GABBR2: variants seen among roughly 807,000 people sequenced by gnomAD.
GABBR2 encodes the protein G-protein coupled receptor 51.
Under a neutral mutation model 105.6 loss-of-function variants are expected in GABBR2, and 23 were observed. The observed-to-expected ratio is 0.22, with a 90% CI of 0.16 to 0.31. The LOEUF is 0.31. Among genes scored for constraint, GABBR2 ranks in the 10% least tolerant of loss-of-function variants. GABBR2 has a pLI of 1.00. For missense variants in GABBR2, 734 were observed against 1,245.5 expected, an observed-to-expected ratio of 0.59 and a Z score of 6.18; for synonymous variants, 478 against 499.7, an observed-to-expected ratio of 0.96 and a Z score of 0.58.
chr9:98,533,872 G>C (rs1164111994), intron 3 of GABBR2, among the ~76,000 whole-genome samples: 2 of 152,186 alleles, frequency 1.3e-5, no homozygotes, highest in Non-Finnish European at 1.5e-5. Context: ...TGAGACAGAG[G>C]AGGAGGCCTC....
At position 98,357,584 on chromosome 9, in the gene GABBR2, G is replaced by A. The variant is rs114512013; in HGVS notation, c.1893+5131C>T. Among the ~76,000 whole-genome samples the A allele has an allele frequency of 3.3e-3, 495 of 152,236 alleles. 2 individuals carry two copies. The highest frequency in any genetic ancestry group is 0.011 in the African/African-American group (466 of 41,524). On this transcript the variant is annotated intron_variant, in intron 13 of 18. Coordinates refer to ENST00000259455, the MANE Select transcript of GABBR2 (RefSeq NM_005458.8). ...GATCACCTGAGCCAGGGGAGGTGCA[G>A]TGAGCCGTGATCTTGCCATTGCACT... is the stretch of plus-strand genomic sequence containing the variant.
At chr9:98,456,193 A>G (rs1233603416) in intron 6 of GABBR2, among the ~76,000 whole-genome samples, 2 of 152,138 alleles carry the variant, frequency 1.3e-5, no homozygotes, top group Non-Finnish European at 2.9e-5. Context: ...GAAACAGTCC[A>G]CTATGAAGCT....
intron 3 of GABBR2, among the ~76,000 whole-genome samples, chr9:98,525,334 A>G (rs1418435167): frequency 6.6e-6 from 1 of 152,238 alleles, no homozygotes; most frequent in Non-Finnish European, 1.5e-5. Flanking sequence ...CCAATTAAAA[A>G]TTGGACAAAG....
chr9:98,569,375 C>T (rs1828795219), intron 2 of GABBR2, among the ~76,000 whole-genome samples: 1 of 152,146 alleles, frequency 6.6e-6, no homozygotes, highest in East Asian at 1.9e-4. Context: ...TCCCTGACTC[C>T]TTATTTTCAG....
intron 13 of GABBR2, among the ~76,000 whole-genome samples, chr9:98,357,681 CA>C (rs869090343): frequency 6.2e-4 from 33 of 53,434 alleles, no homozygotes; most frequent in African/African-American, 7.7e-4. Flanking sequence ...AAAACAACAA[CA>C]AAAAAAAAAA....
intron 8 of GABBR2, among the ~76,000 whole-genome samples, chr9:98,405,119 C>CA (rs980405210): frequency 6.6e-6 from 1 of 151,518 alleles, no homozygotes; most frequent in African/African-American, 2.4e-5. Context: ...AACACTACAG[C>CA]AAAAAAAGGG....
intron 11 of GABBR2, among the ~76,000 whole-genome samples, chr9:98,374,122 A>G (rs1246061733): frequency 1.3e-5 from 2 of 152,056 alleles, no homozygotes; most frequent in Non-Finnish European, 2.9e-5. Context: ...GCCTCTCAAA[A>G]TGTTGGGAGT....
Position 98,357,656 on chromosome 9 carries a change from C to A in GABBR2, c.1893+5059G>T, listed in dbSNP as rs1284658323. 2.1e-5 allele frequency among the ~76,000 whole-genome samples: 3 copies of A among 142,016 alleles called. No individual in the cohort carries two copies. The Admixed American group carries it at 2.2e-4, about 11-fold the overall frequency. The allele number at this position is 142,016 out of a possible 152,430, so 93.2% of individuals were successfully genotyped here. Reference sequence around the variant, plus strand: ...GATCCTGTCTCAAAACAAAACAAAACAGACAAACAAACAAAAAACAACAAC... The same window carrying A: ...GATCCTGTCTCAAAACAAAACAAAAAAGACAAACAAACAAAAAACAACAAC... On this transcript the variant is annotated intron_variant, in intron 13 of 18. Transcript: ENST00000259455.
intron 3 of GABBR2, among the ~76,000 whole-genome samples, chr9:98,509,979 A>G (rs1827601940): frequency 6.6e-6 from 1 of 152,232 alleles, no homozygotes; most frequent in African/African-American, 2.4e-5. Flanking sequence ...CAGATTCACC[A>G]AAGTTGAAAT....
At chr9:98,635,892 AGTCACC>A (rs1829868894) in intron 1 of GABBR2, among the ~76,000 whole-genome samples, 1 of 152,136 alleles carries the variant, frequency 6.6e-6, no homozygotes, top group Admixed American at 6.5e-5. Context: ...TTGTATTAGA[AGTCACC>A]TGTGGAGCCT....
intron 7 of GABBR2, among the ~76,000 whole-genome samples, chr9:98,426,611 C>T (rs1825695218): frequency 6.6e-6 from 1 of 152,192 alleles, no homozygotes. Flanking sequence ...CAACTAGAAA[C>T]CCAGATGGCT....
intron 7 of GABBR2, among the ~76,000 whole-genome samples, chr9:98,449,397 G>A (rs1462259227): frequency 6.6e-6 from 1 of 152,118 alleles, no homozygotes; most frequent in Admixed American, 6.5e-5. Flanking sequence ...GCTTGCTAGA[G>A]GAGTGAATGA....
intron 1 of GABBR2, among the ~76,000 whole-genome samples, chr9:98,633,464 G>A (rs2065452): frequency 0.7 from 105,698 of 151,492 alleles, 37,556 homozygotes; most frequent in Middle Eastern, 0.82. Flanking sequence ...CTCTACTAAA[G>A]ATACAAAAAA....
chr9:98,373,016 A>G (rs1416050034), intron 11 of GABBR2, among the ~76,000 whole-genome samples: 2 of 152,064 alleles, frequency 1.3e-5, no homozygotes, highest in Non-Finnish European at 2.9e-5. Context: ...ATGGGTAAAA[A>G]TGAACCACAG....
intron 14 of GABBR2, among the ~76,000 whole-genome samples, chr9:98,307,161 A>G (rs1296956747): frequency 6.6e-6 from 1 of 152,200 alleles, no homozygotes; most frequent in African/African-American, 2.4e-5. Context: ...TTTACCTGAG[A>G]GGAACATTTC....
At chr9:98,323,326 G>C (rs1463771450) in intron 13 of GABBR2, among the ~76,000 whole-genome samples, 3 of 152,278 alleles carry the variant, frequency 2.0e-5, no homozygotes, top group Non-Finnish European at 4.4e-5. Context: ...GTGGTCACCA[G>C]GGTGCTGTGC....
At chr9:98,450,869 G>T (rs1274169201) in intron 7 of GABBR2, among the ~76,000 whole-genome samples, 1 of 152,170 alleles carries the variant, frequency 6.6e-6, no homozygotes, top group African/African-American at 2.4e-5. Context: ...AGATGAAAGG[G>T]AGCATTTAGA....
In GABBR2 at chr9:98,385,675, A is replaced by G; in HGVS notation, c.1627T>C (p.Phe543Leu). The G allele has an allele frequency of 6.2e-7, 1 of 1,612,788 alleles. No homozygotes were observed. Among genetic ancestry groups the G allele is most frequent in the Non-Finnish European group, 8.5e-7 (1 of 1,178,726 alleles). The change falls in exon 11 of 19, where the codon TTT becomes CTT. Residue 543 changes from phenylalanine (F) to leucine (L), a missense_variant. By Grantham distance (22) the Phe-to-Leu change is conservative (BLOSUM62 0). Coordinates refer to ENST00000259455, the MANE Select transcript of GABBR2 (RefSeq NM_005458.8). ...GTTTCAAAGGTCTTTTCAGAGACAA[A>G]GGATCCATCAAGGCCAAAGAGAAAT... ...SIFLFGLDGS[F>L]VSEKTFETLC...
At chr9:98,641,824 G>A (rs1465909954) in intron 1 of GABBR2, among the ~76,000 whole-genome samples, 2 of 152,122 alleles carry the variant, frequency 1.3e-5, no homozygotes, top group East Asian at 3.9e-4. Flanking sequence ...CAGGGCCCTG[G>A]CCAGGTAAGT....
Sources: gnomAD v4.1 joint callset for allele counts (sites outside exome capture counted in the v4.1 genomes callset) on GRCh38, gnomAD v4.1.1 for gene constraint, MANE v1.5 for transcripts, NCBI Gene and HGNC (gene_info 2026-07-23, HGNC 2026-07-21) for gene names.